Variants in SERPINI2 observed in about 807,000 individuals in gnomAD.
SERPINI2 encodes serpin family I member 2, also known as serpin I2.
In SERPINI2, 48 loss-of-function variants were observed where a neutral mutation model predicts 47.3. The ratio of observed to expected loss-of-function variants is 1.02; its 90% CI spans 0.81 to 1.29. SERPINI2 has a LOEUF of 1.29. Ranked by LOEUF, SERPINI2 falls within the 50% of genes most tolerant of loss-of-function variation. The probability of loss-of-function intolerance (pLI) is 0.00; values close to 1 mark genes in which losing one functional copy is unlikely to be tolerated. For synonymous variants in SERPINI2, 135 were observed against 149.3 expected (o/e 0.90, Z 0.70); for missense variants, 448 against 456.9 (o/e 0.98, Z 0.18).
At chr3:167,455,305 A>G (rs1383052687) in intron 5 of SERPINI2, among the ~76,000 whole-genome samples, 1 of 152,250 alleles carries the variant, frequency 6.6e-6, no homozygotes, top group Non-Finnish European at 1.5e-5. Flanking sequence ...AAATGTAACC[A>G]TTGTGCTGAA....
At chr3:167,442,134 T>C (rs144093247) in exon 9 of SERPINI2, 1 of 1,603,946 alleles carries the variant, frequency 6.2e-7, no homozygotes, top group South Asian at 1.1e-5. Flanking sequence ...ATCTCTTCCT[T>C]TTATCTCCTG....
At chr3:167,453,657 G>C (rs34987499) in intron 5 of SERPINI2, among the ~76,000 whole-genome samples, 17 of 144,766 alleles carry the variant, frequency 1.2e-4, no homozygotes, top group South Asian at 1.1e-3. Flanking sequence ...TTACAGGAGT[G>C]GGGGGGGGTG....
intron 5 of SERPINI2, among the ~76,000 whole-genome samples, chr3:167,460,886 G>A (rs747606442): frequency 6.6e-6 from 1 of 152,110 alleles, no homozygotes; most frequent in Non-Finnish European, 1.5e-5. Flanking sequence ...TATATACCAT[G>A]AAGCATGCTA....
chr3:167,465,109 A>G, intron 5 of SERPINI2, 97 bp downstream of exon 5: 1 of 1,092,282 alleles, frequency 9.2e-7, no homozygotes, highest in African/African-American at 1.6e-5. Flanking sequence ...ATTTGTGTCA[A>G]TAGACTTTTC....
chr3:167,462,037 G>A (rs188598386), intron 5 of SERPINI2, among the ~76,000 whole-genome samples: 19 of 152,294 alleles, frequency 1.2e-4, no homozygotes, highest in Admixed American at 8.5e-4. Flanking sequence ...GGAGGGAGGT[G>A]TAAAGATAAC....
chr3:167,467,107 A>G lies in SERPINI2; in HGVS notation c.426T>C (p.Asp142=), dbSNP rs754414893. The stretch of plus-strand genomic sequence containing the variant: ...TTATCATCTCTGCACAAGCCTTTGC[A>G]TCTTGAAAATCCACCAGTTTTATAG... The change falls in exon 3 of 9, where the codon GAT becomes GAC. Residue 142 remains aspartate, a synonymous_variant. Transcript: ENST00000264677. The G allele has an allele frequency of 8.7e-6, 14 of 1,613,400 alleles. No individual in the cohort carries two copies. In the Admixed American group the frequency reaches 2.2e-4, roughly 25 times the overall value.
chr3:167,460,695 T>C (rs1749958528), intron 5 of SERPINI2, among the ~76,000 whole-genome samples: 1 of 152,206 alleles, frequency 6.6e-6, no homozygotes, highest in African/African-American at 2.4e-5. Flanking sequence ...TTCATGATGC[T>C]ATATGTATGG....
chr3:167,460,494 C>A (rs1044604174), intron 5 of SERPINI2, among the ~76,000 whole-genome samples: 2 of 152,146 alleles, frequency 1.3e-5, no homozygotes, highest in African/African-American at 4.8e-5. Context: ...GAACTAAATA[C>A]ATAAGCAAAT....
intron 5 of SERPINI2, among the ~76,000 whole-genome samples, chr3:167,463,073 G>A (rs1020449289): frequency 1.3e-5 from 2 of 151,754 alleles, no homozygotes; most frequent in Non-Finnish European, 2.9e-5. Context: ...ACTCAAAATG[G>A]TCAAGTGACT....
At chr3:167,452,474 T>A (rs1320131629) in intron 6 of SERPINI2, among the ~76,000 whole-genome samples, 1 of 152,260 alleles carries the variant, frequency 6.6e-6, no homozygotes, top group Non-Finnish European at 1.5e-5. Flanking sequence ...ATCTGCAAGC[T>A]GTAGCGTTAC....
At chr3:167,453,876 A>G (rs752603821) in intron 5 of SERPINI2, among the ~76,000 whole-genome samples, 3 of 148,630 alleles carry the variant, frequency 2.0e-5, no homozygotes, top group Non-Finnish European at 4.5e-5. Context: ...TTTAAATAAA[A>G]GTGGGGGTGG....
chr3:167,460,145 T>G (rs576350054), intron 5 of SERPINI2, among the ~76,000 whole-genome samples: 11 of 152,366 alleles, frequency 7.2e-5, no homozygotes, highest in Admixed American at 1.3e-4. Context: ...TGTGTTGTGC[T>G]GTTATAGCAG....
chr3:167,471,705 T>C (rs1750326697), exon 2 of SERPINI2: 1 of 1,613,658 alleles, frequency 6.2e-7, no homozygotes, highest in Non-Finnish European at 8.5e-7. Context: ...AATATAATGT[T>C]GTCCTTATGA....
At chr3:167,444,116 T>A (rs528010299) in intron 8 of SERPINI2, among the ~76,000 whole-genome samples, 18 of 152,058 alleles carry the variant, frequency 1.2e-4, no homozygotes, top group Admixed American at 9.2e-4. Flanking sequence ...CCCAAAAGAG[T>A]TCTAAACACA....
intron 5 of SERPINI2, among the ~76,000 whole-genome samples, chr3:167,453,727 G>A (rs1372019458): frequency 2.0e-5 from 3 of 151,076 alleles, no homozygotes; most frequent in South Asian, 2.1e-4. Context: ...TAGGAGACTA[G>A]TGTCTGGCTC....
At chr3:167,452,300 T>C (rs1321887526) in intron 6 of SERPINI2, among the ~76,000 whole-genome samples, 1 of 152,186 alleles carries the variant, frequency 6.6e-6, no homozygotes, top group Non-Finnish European at 1.5e-5. Flanking sequence ...GAGTTATTTT[T>C]GAACTAGTGT....
At chr3:167,465,575 A>G in exon 4 of SERPINI2, 8 of 1,613,826 alleles carry the variant, frequency 5.0e-6, no homozygotes, top group Non-Finnish European at 6.8e-6. Context: ...TCTTTTCTGA[A>G]TTTCTGTTTC....
rs201666797 is a variant in SERPINI2, at chr3:167,449,372, G to A, written c.995C>T (p.Thr332Met). ...ATTTATCTCAAAGAAAACTTTTTGC[G>A]TCACTTGGGAAACATACACTTCAGA... The change falls in exon 7 of 9, where the codon ACG becomes ATG. Residue 332 changes from threonine (T) to methionine (M), a missense_variant. Physicochemically the swap from Thr to Met is moderately conservative, Grantham distance 81 (BLOSUM62 -1). Coordinates refer to ENST00000264677, the Ensembl canonical transcript of SERPINI2. The A allele has an allele frequency of 7.4e-5, 120 of 1,611,612 alleles. No homozygotes were observed. Among genetic ancestry groups the A allele is most frequent in the Admixed American group, 7.3e-4 (44 of 59,922 alleles).
intron 5 of SERPINI2, among the ~76,000 whole-genome samples, chr3:167,454,649 A>G (rs555357589): frequency 6.6e-6 from 1 of 152,326 alleles, no homozygotes; most frequent in African/African-American, 2.4e-5. Context: ...AACTTCTAAT[A>G]ATGCCTAATT....
Sources: allele counts gnomAD v4.1 joint callset (sites outside exome capture counted in the v4.1 genomes callset), GRCh38; gene constraint gnomAD v4.1.1; transcripts MANE v1.5; gene names NCBI Gene and HGNC (gene_info 2026-07-23, HGNC 2026-07-21).